USP6NL: variants seen among roughly 807,000 people sequenced by gnomAD.
The protein encoded by USP6NL is USP6 N-terminal like.
In USP6NL, 26 loss-of-function variants were observed where a neutral mutation model predicts 61.9. The observed-to-expected ratio is 0.42, with a 90% CI of 0.31 to 0.58. The LOEUF (loss-of-function observed/expected upper bound fraction) is 0.58, where lower values mean the gene tolerates loss of function less well. USP6NL is among the 20% of genes least tolerant of loss of function. The pLI, the probability that USP6NL is intolerant of heterozygous loss-of-function variation, is 0.16. For synonymous variants in USP6NL, 432 were observed against 390.1 expected (o/e 1.11, Z -1.27); for missense variants, 1,114 against 1,034.3 (o/e 1.08, Z -1.06).
rs1838300138 is a variant in USP6NL at position 11,595,595 on chromosome 10, AG to A, written c.4+2035del. 6.6e-6 allele frequency among the ~76,000 whole-genome samples: 1 copy of A among 152,218 alleles called. No individual in the cohort carries two copies. Among genetic ancestry groups the A allele is most frequent in the South Asian group, 2.1e-4 (1 of 4,838 alleles). On this transcript the variant is annotated intron_variant, in intron 2 of 14. Coordinates refer to ENST00000609104, the MANE Select transcript of USP6NL (RefSeq NM_014688.5). This position sits in a 1 kb window ranked among gnomAD's most constrained non-coding sequence, Gnocchi z 5.3. ...CCTGATTCTGATCTGGGAACTCCAA[AG>A]CCAGGCAGAGACAAATATGAATCTG... is the stretch of plus-strand genomic sequence containing the variant.
chr10:11,570,807 G>C (rs1566188927), intron 2 of USP6NL, among the ~76,000 whole-genome samples: 1 of 152,056 alleles, frequency 6.6e-6, no homozygotes, highest in Non-Finnish European at 1.5e-5. Context: ...CTTGGCCCTA[G>C]AGATGCAGGC....
chr10:11,599,726 T>C (rs1395212960), intron 1 of USP6NL, among the ~76,000 whole-genome samples: 2 of 150,664 alleles, frequency 1.3e-5, no homozygotes, highest in Non-Finnish European at 3.0e-5. Flanking sequence ...TCCTCCAACC[T>C]ACTTTTTTTT....
At chr10:11,584,134 C>T (rs1246611187) in intron 2 of USP6NL, among the ~76,000 whole-genome samples, 1 of 151,988 alleles carries the variant, frequency 6.6e-6, no homozygotes, top group Non-Finnish European at 1.5e-5. Context: ...AGAATCATCA[C>T]TTGAGCCCAG....
At position 11,485,241 on chromosome 10, in the gene USP6NL, A is replaced by C; in HGVS notation, c.760-7T>G. 1 of 1,520,348 alleles carries C rather than the reference A, an allele frequency of 6.6e-7. No homozygotes were observed. The highest frequency in any genetic ancestry group is 1.8e-4 in the Middle Eastern group (1 of 5,560). 94.2% of individuals were successfully genotyped at this position (1,520,348 alleles called of 1,614,324 possible). A position where few individuals can be genotyped will look rare whatever the true frequency, so the allele number is the denominator to read the frequency against. On this transcript the variant is annotated splice_region_variant and splice_polypyrimidine_tract_variant and intron_variant, in intron 11 of 14. Transcript: ENST00000609104. The surrounding 1 kb of genome is among the most constrained non-coding windows in gnomAD (Gnocchi z 4.8). ...TGTAGATTTCTTGAGAATCCTGAAA[A>C]AACAAAGAGCTCACAATTTATGGAT...
At position 11,463,598 on chromosome 10, in the gene USP6NL, TA is replaced by T; in HGVS notation, c.1329del (p.Asp445MetfsTer90). ...RKSVEEESKK[L>X]KDEADFQRKL... ...TTTCTTTGAAAATCTGCCTCATCTT[TA>T]AGCTTTTTGCTCTCCTCCTCCACCG... On this transcript the variant is annotated frameshift_variant, in exon 15 of 15. Coordinates refer to ENST00000609104, the MANE Select transcript of USP6NL (RefSeq NM_014688.5). LOFTEE classifies it low-confidence loss of function (END_TRUNC). The surrounding 1 kb of genome is among the most constrained non-coding windows in gnomAD (Gnocchi z 6.3). 1.2e-6 allele frequency: 2 copies of T among 1,614,028 alleles called. No individual in the cohort carries two copies. Among genetic ancestry groups the T allele is most frequent in the Non-Finnish European group, 1.7e-6 (2 of 1,179,894 alleles).
At position 11,557,392 on chromosome 10, in the gene USP6NL, C is replaced by T. The variant is rs758623847; in HGVS notation, c.5-29825G>A. Among the ~76,000 whole-genome samples the T allele has an allele frequency of 2.6e-5, 4 of 152,158 alleles. No homozygotes were observed. The East Asian group carries it at 7.7e-4, about 29-fold the overall frequency. ...TTAGAATTTGTTACCATTTTTAGTG[C>T]CTTTTTACGATAAAACCACAACTAT... On this transcript the variant is annotated intron_variant, in intron 2 of 14. Transcript: ENST00000609104.
Position 11,564,577 on chromosome 10 carries a change from C to T in USP6NL, c.4+33054G>A, listed in dbSNP as rs983510987. On this transcript the variant is annotated intron_variant, in intron 2 of 14. Transcript: ENST00000609104. ...AATTGCAGTCCTTGCCCTCAAGAAGCTCACAGCTTAATAAAGGGTACGACC... is the reference window on the plus strand; with the variant it reads ...AATTGCAGTCCTTGCCCTCAAGAAGTTCACAGCTTAATAAAGGGTACGACC... 4 of 152,306 alleles carry T rather than the reference C, an allele frequency of 2.6e-5. No individual in the cohort carries two copies. In the East Asian group the frequency reaches 7.7e-4, roughly 29 times the overall value. 9.4% of individuals were successfully genotyped at this position (152,306 alleles called of 1,614,324 possible).
rs374881735 is a variant in USP6NL, at chr10:11,542,833, T to C, written c.5-15266A>G. On this transcript the variant is annotated intron_variant, in intron 2 of 14. Coordinates refer to ENST00000609104, the MANE Select transcript of USP6NL (RefSeq NM_014688.5). ...GACCCCCAGCAACAGGAATGGCTAT[T>C]TGAACAGCAGCAGCTGCGTCGACAG... Among the ~76,000 whole-genome samples, 6 of 152,130 alleles carry C rather than the reference T, an allele frequency of 3.9e-5. No individual in the cohort carries two copies. The South Asian group carries it at 1.2e-3, about 32-fold the overall frequency.
chr10:11,463,059 G>A lies in USP6NL; in HGVS notation c.1869C>T (p.Ala623=). Residue 623 remains alanine (A), a synonymous_variant, in exon 15 of 15, where the codon GCC becomes GCT. Coordinates refer to ENST00000609104, the MANE Select transcript of USP6NL (RefSeq NM_014688.5). This position sits in a 1 kb window ranked among gnomAD's most constrained non-coding sequence, Gnocchi z 6.3. ...AGGAGGGGGGATGAGCTAGCCCTCG[G>A]GCTTCCCCATCTAGCTGGGACGGAT... ...ARYPSQLDGE[A]RGLAHPPSYS... 6.2e-7 allele frequency: 1 copy of A among 1,614,028 alleles called. No individual in the cohort carries two copies. The highest frequency in any genetic ancestry group is 1.3e-5 in the African/African-American group (1 of 75,038).
In USP6NL at chr10:11,591,942, T is replaced by C. The variant is rs1258964672; in HGVS notation, c.4+5689A>G. Among the ~76,000 whole-genome samples, 1 of 152,180 alleles carries C rather than the reference T, an allele frequency of 6.6e-6. No homozygotes were observed. Among genetic ancestry groups the C allele is most frequent in the Non-Finnish European group, 1.5e-5 (1 of 68,028 alleles). ...TGGAGTGCAGTGGCTCAATCTCAGCTCACTGCAACCTCCACCTCCTGGGTT... is the reference window on the plus strand; with the variant it reads ...TGGAGTGCAGTGGCTCAATCTCAGCCCACTGCAACCTCCACCTCCTGGGTT... On this transcript the variant is annotated intron_variant, in intron 2 of 14. Transcript: ENST00000609104. This position sits in a 1 kb window ranked among gnomAD's most constrained non-coding sequence, Gnocchi z 4.7.
At chr10:11,571,574 A>C (rs1324348845) in intron 2 of USP6NL, among the ~76,000 whole-genome samples, 1 of 152,142 alleles carries the variant, frequency 6.6e-6, no homozygotes, top group East Asian at 1.9e-4. Context: ...TAATATTAAT[A>C]TGAATACAAT....
chr10:11,494,100 A>G (rs1001788837), intron 7 of USP6NL, among the ~76,000 whole-genome samples: 11 of 152,176 alleles, frequency 7.2e-5, no homozygotes, highest in Non-Finnish European at 1.6e-4. Context: ...TGAATATCTG[A>G]TCATTCTACC....
intron 2 of USP6NL, among the ~76,000 whole-genome samples, chr10:11,580,150 G>A (rs546545375): frequency 6.6e-6 from 1 of 152,300 alleles, no homozygotes; most frequent in East Asian, 1.9e-4. Flanking sequence ...CCCAGACCAT[G>A]TCCCTCATGG....
chr10:11,542,559 A>G (rs1370533035), intron 2 of USP6NL, among the ~76,000 whole-genome samples: 1 of 152,126 alleles, frequency 6.6e-6, no homozygotes, highest in Non-Finnish European at 1.5e-5. Flanking sequence ...TGTCTACTAA[A>G]AATACAAAAG....
chr10:11,475,439 T>A (rs529485429), intron 14 of USP6NL, among the ~76,000 whole-genome samples: 172 of 151,488 alleles, frequency 1.1e-3, no homozygotes, highest in African/African-American at 3.9e-3. Context: ...CTAAAAAAAA[T>A]TACAAAATTA....
rs1838895388 is a variant in USP6NL at position 11,611,429 on chromosome 10, G to A, written c.-84+14C>T. On this transcript the variant is annotated intron_variant, in intron 1 of 14. Coordinates refer to ENST00000609104, the MANE Select transcript of USP6NL (RefSeq NM_014688.5). The surrounding 1 kb of genome is among the most constrained non-coding windows in gnomAD (Gnocchi z 5.3). The stretch of plus-strand genomic sequence containing the variant: ...GCCGGCCCCTCACGGCGGGAGCTGA[G>A]GAATGGAAGTTACCTCAGTACGGTC... The A allele has an allele frequency of 6.5e-6, 1 of 152,732 alleles. No individual in the cohort carries two copies. Among genetic ancestry groups the A allele is most frequent in the African/African-American group, 2.4e-5 (1 of 41,384 alleles). 9.5% of individuals were successfully genotyped at this position (152,732 alleles called of 1,614,324 possible).
chr10:11,539,551 A>G (rs1437600756), intron 2 of USP6NL, among the ~76,000 whole-genome samples: 1 of 152,260 alleles, frequency 6.6e-6, no homozygotes, highest in Non-Finnish European at 1.5e-5. Flanking sequence ...CATAATTACT[A>G]GCTGTTGCAT....
intron 14 of USP6NL, among the ~76,000 whole-genome samples, chr10:11,475,070 G>C (rs184865468): frequency 6.6e-6 from 1 of 152,202 alleles, no homozygotes; most frequent in Non-Finnish European, 1.5e-5. Flanking sequence ...AGTCATAGTG[G>C]ATTAACATAG....
In USP6NL at chr10:11,485,219, A is replaced by G. The variant is rs772951928; in HGVS notation, c.775T>C (p.Tyr259His). The change falls in exon 12 of 15, where the codon TAC (tyrosine) becomes CAC (histidine). Residue 259 changes from tyrosine (Y) to histidine (H), a missense_variant. By Grantham distance (83) the Tyr-to-His change is moderately conservative. Transcript: ENST00000609104. The surrounding 1 kb of genome is among the most constrained non-coding windows in gnomAD (Gnocchi z 4.8). ...LKQHLDSQEI[Y>H]TSFYTMKWFF... is the part of the protein sequence containing the mutation. ...CATTTCATTGTGTAAAAACTTGTGTAGATTTCTTGAGAATCCTGAAAAAAC... is the reference window on the plus strand; with the variant it reads ...CATTTCATTGTGTAAAAACTTGTGTGGATTTCTTGAGAATCCTGAAAAAAC... The G allele has an allele frequency of 1.3e-6, 2 of 1,526,448 alleles. No individual in the cohort carries two copies. The highest frequency in any genetic ancestry group is 2.6e-5 in the South Asian group (2 of 77,280). 94.6% of individuals were successfully genotyped at this position (1,526,448 alleles called of 1,614,324 possible). A position where few individuals can be genotyped will look rare whatever the true frequency, so the allele number is the denominator to read the frequency against.
Sources: gnomAD v4.1 joint callset for allele counts (sites outside exome capture counted in the v4.1 genomes callset) on GRCh38, gnomAD v4.1.1 for gene constraint, Gnocchi (gnomAD v3.1) non-coding constraint, MANE v1.5 for transcripts, NCBI Gene and HGNC (gene_info 2026-07-23, HGNC 2026-07-21) for gene names.